Variants in NGLY1 observed in about 807,000 individuals in gnomAD.
The protein encoded by NGLY1 is peptide-N(4)-(N-acetyl-beta-glucosaminyl)asparagine amidase.
A neutral mutation model predicts 84.6 loss-of-function variants in NGLY1; 68 were observed. The ratio of observed to expected loss-of-function variants is 0.80; its 90% CI spans 0.66 to 0.98. The LOEUF (loss-of-function observed/expected upper bound fraction) is 0.98. Ranked by LOEUF, NGLY1 falls within the 50% of genes least tolerant of loss-of-function variation. The pLI, the probability that NGLY1 is intolerant of heterozygous loss-of-function variation, is 0.00. For synonymous variants in NGLY1, 280 were observed against 275.2 expected (o/e 1.02, Z -0.17); for missense variants, 779 against 770.2 (o/e 1.01, Z -0.14).
chr3:25,788,699 G>C (rs537832315), intron 1 of NGLY1, among the ~76,000 whole-genome samples: 1 of 152,208 alleles, frequency 6.6e-6, no homozygotes, highest in East Asian at 1.9e-4. Flanking sequence ...GCAATGAAAA[G>C]AGATCAAGTT....
intron 2 of NGLY1, among the ~76,000 whole-genome samples, chr3:25,772,563 G>A (rs943371731): frequency 9.2e-5 from 14 of 152,154 alleles, no homozygotes; most frequent in African/African-American, 1.4e-4. Context: ...TAGAGACAGA[G>A]AATACATGGT....
rs9819898 is a variant in NGLY1 at position 25,762,087 on chromosome 3, C to T, written c.492+1979G>A. On this transcript the variant is annotated intron_variant, in intron 3 of 11. Transcript: ENST00000280700. The stretch of plus-strand genomic sequence containing the variant: ...ATTTTGTATCTTAAAAGCTTACTGG[C>T]AAACGTCAACATCAGTGACTATCAT... Among the ~76,000 whole-genome samples the T allele has an allele frequency of 7.2e-3, 1,090 of 151,982 alleles. 9 individuals carry two copies. Among genetic ancestry groups the T allele is most frequent in the African/African-American group, 0.025 (1,045 of 41,440 alleles).
At chr3:25,775,569 A>G (rs1227258414) in intron 2 of NGLY1, among the ~76,000 whole-genome samples, 1 of 152,222 alleles carries the variant, frequency 6.6e-6, no homozygotes, top group Admixed American at 6.5e-5. Flanking sequence ...GTTCTCACTC[A>G]TATGTGGGAG....
At position 25,739,764 on chromosome 3, in the gene NGLY1, C is replaced by G; in HGVS notation, c.694G>C (p.Glu232Gln). 2 of 1,613,852 alleles carry G rather than the reference C, an allele frequency of 1.2e-6. No homozygotes were observed. Among genetic ancestry groups the G allele is most frequent in the Non-Finnish European group, 1.7e-6 (2 of 1,179,924 alleles). Residue 232 changes from glutamate to glutamine, a missense_variant, in exon 5 of 12, where the codon GAG becomes CAG. Coordinates refer to ENST00000280700, the MANE Select transcript of NGLY1 (RefSeq NM_018297.4). Reference sequence around the variant, plus strand: ...TCTTCCTTAAACCAGTGCAAAAGCTCCAGCAAAAGAAAATCCTCATCACTT... The same window carrying G: ...TCTTCCTTAAACCAGTGCAAAAGCTGCAGCAAAAGAAAATCCTCATCACTT... ...NISDEDFLLL[E>Q]LLHWFKEEFF... is the part of the protein sequence containing the mutation.
chr3:25,726,969 T>A (rs1402745663), intron 10 of NGLY1, among the ~76,000 whole-genome samples: 1 of 152,194 alleles, frequency 6.6e-6, no homozygotes, highest in Non-Finnish European at 1.5e-5. Context: ...GTAAAGAATC[T>A]GTTCTAAAAC....
At chr3:25,789,847 G>C in intron 1 of NGLY1, 1 of 1,551,660 alleles carries the variant, frequency 6.4e-7, no homozygotes, top group African/African-American at 1.4e-5. Context: ...CTTTTTGATG[G>C]GTGAAAATGC....
chr3:25,755,571 A>G (rs1706997318), intron 3 of NGLY1: 1 of 1,445,888 alleles, frequency 6.9e-7, no homozygotes. Flanking sequence ...GATTGGGCCC[A>G]AAAATATTCT....
At chr3:25,739,247 A>G (rs1706001838) in intron 5 of NGLY1, among the ~76,000 whole-genome samples, 1 of 152,238 alleles carries the variant, frequency 6.6e-6, no homozygotes, top group Admixed American at 6.5e-5. Context: ...ATACTTTAGA[A>G]CAAGAGTCAA....
intron 4 of NGLY1, among the ~76,000 whole-genome samples, chr3:25,746,508 TAGAA>T (rs1214919797): frequency 2.6e-5 from 4 of 152,160 alleles, no homozygotes; most frequent in Non-Finnish European, 5.9e-5. Flanking sequence ...CCTTTATAAT[TAGAA>T]AGAAAAAATG....
intron 1 of NGLY1, among the ~76,000 whole-genome samples, chr3:25,780,864 T>C (rs1303808292): frequency 6.6e-6 from 1 of 152,086 alleles, no homozygotes; most frequent in Non-Finnish European, 1.5e-5. Flanking sequence ...CCTAAAGCCC[T>C]GGTACTACAG....
intron 4 of NGLY1, among the ~76,000 whole-genome samples, chr3:25,741,932 C>T (rs9844943): frequency 0.72 from 108,823 of 151,950 alleles, 41,726 homozygotes; most frequent in East Asian, 0.94. Flanking sequence ...ACCTGGGAGG[C>T]GGAGGTTGCA....
intron 5 of NGLY1, among the ~76,000 whole-genome samples, chr3:25,739,067 G>A (rs1705990821): frequency 1.3e-5 from 2 of 152,172 alleles, no homozygotes; most frequent in East Asian, 3.8e-4. Flanking sequence ...ATTATTGTGA[G>A]AGTGAATACA....
upstream of NGLY1, among the ~76,000 whole-genome samples, chr3:25,786,975 C>T (rs1708619532): frequency 6.6e-6 from 1 of 152,208 alleles, no homozygotes; most frequent in South Asian, 2.1e-4. Flanking sequence ...ATGGTCCCTA[C>T]TTTCATAGAA....
At chr3:25,768,422 TAAA>T (rs71087723) in intron 2 of NGLY1, among the ~76,000 whole-genome samples, 31 of 134,416 alleles carry the variant, frequency 2.3e-4, no homozygotes, top group East Asian at 4.3e-4. Context: ...AAACTCCATC[TAAA>T]AAAAAAAAAA....
At chr3:25,743,062 G>T (rs949529218) in intron 4 of NGLY1, among the ~76,000 whole-genome samples, 1 of 152,112 alleles carries the variant, frequency 6.6e-6, no homozygotes, top group Non-Finnish European at 1.5e-5. Context: ...GACAGAGAGA[G>T]ATTTGAAGAT....
At chr3:25,754,188 T>C (rs1157388354) in intron 3 of NGLY1, among the ~76,000 whole-genome samples, 1 of 152,232 alleles carries the variant, frequency 6.6e-6, no homozygotes, top group Non-Finnish European at 1.5e-5. Context: ...TGCTAGGTGC[T>C]GGGGATATAA....
Position 25,783,372 on chromosome 3 carries a change from C to G in NGLY1, c.19G>C (p.Gly7Arg), listed in dbSNP as rs1197279636. 6.5e-7 allele frequency: 1 copy of G among 1,546,762 alleles called. No homozygotes were observed. Among genetic ancestry groups the G allele is most frequent in the Non-Finnish European group, 8.7e-7 (1 of 1,147,404 alleles). Reference protein sequence around the residue: MAAAALGSSSGSASPAV... With the variant: MAAAALRSSSGSASPAV... ...GGGGACGCCGAGCCTGAGGAGCTGC[C>G]CAATGCCGCCGCCGCCATGCTTGAG... Residue 7 changes from glycine (G) to arginine (R), a missense_variant, in exon 1 of 12, where the codon GGC becomes CGC. Coordinates refer to ENST00000280700, the MANE Select transcript of NGLY1 (RefSeq NM_018297.4). This position sits in a 1 kb window ranked among gnomAD's most constrained non-coding sequence, Gnocchi z 4.5.
intron 2 of NGLY1, 100 bp from the exon 3 acceptor site, chr3:25,764,411 G>C: frequency 8.1e-7 from 1 of 1,238,914 alleles, no homozygotes; most frequent in Non-Finnish European, 1.1e-6. Flanking sequence ...CAATAATATA[G>C]AATGCATGTT....
At chr3:25,754,332 G>C (rs1706919346) in intron 3 of NGLY1, among the ~76,000 whole-genome samples, 1 of 152,138 alleles carries the variant, frequency 6.6e-6, no homozygotes, top group South Asian at 2.1e-4. Flanking sequence ...TAACAAAAAG[G>C]GAAGGAAAAG....
Sources: gnomAD v4.1 joint callset for allele counts (sites outside exome capture counted in the v4.1 genomes callset) on GRCh38, gnomAD v4.1.1 for gene constraint, Gnocchi (gnomAD v3.1) non-coding constraint, MANE v1.5 for transcripts, NCBI Gene and HGNC (gene_info 2026-07-23, HGNC 2026-07-21) for gene names.